CNTN6: variants seen among roughly 807,000 people sequenced by gnomAD.
CNTN6 encodes contactin-6.
Under a neutral mutation model 122.8 loss-of-function variants are expected in CNTN6, and 137 were observed. The observed-to-expected ratio is 1.12, with a 90% CI of 0.97 to 1.29. The LOEUF (loss-of-function observed/expected upper bound fraction) is 1.29. Among genes scored for constraint, CNTN6 ranks in the 50% most tolerant of loss-of-function variants. The probability of loss-of-function intolerance (pLI) is 0.00; values close to 1 mark genes in which losing one functional copy is unlikely to be tolerated. For missense variants in CNTN6, 1,634 were observed against 1,223.4 expected, an observed-to-expected ratio of 1.34 and a Z score of -5.01; for synonymous variants, 570 against 426.0, an observed-to-expected ratio of 1.34 and a Z score of -4.16.
chr3:1,138,685 A>C lies in CNTN6; in HGVS notation c.-82-9242A>C, dbSNP rs538779876. ...TATATTTTCCCAAAAACAAAATTTT[A>C]GAAAGTGCTTTGCACACATTTCTGT... On this transcript the variant is annotated intron_variant, in intron 1 of 22. Transcript: ENST00000446702. Among the ~76,000 whole-genome samples, 8 of 152,200 alleles carry C rather than the reference A, an allele frequency of 5.3e-5. No individual in the cohort carries two copies. The South Asian group carries it at 1.7e-3, about 32-fold the overall frequency.
intron 9 of CNTN6, 74 bp from the exon 10 acceptor site, chr3:1,327,383 T>C: frequency 7.0e-7 from 1 of 1,437,674 alleles, no homozygotes; most frequent in South Asian, 1.2e-5. Context: ...ACAAATGTTG[T>C]TTAATAACAT....
intron 17 of CNTN6, among the ~76,000 whole-genome samples, chr3:1,380,703 C>G (rs1330796059): frequency 6.6e-6 from 1 of 152,128 alleles, no homozygotes; most frequent in Non-Finnish European, 1.5e-5. Context: ...AGCCACATAC[C>G]ACTTACAAAC....
chr3:1,106,123 C>G (rs2091207814), intron 1 of CNTN6, among the ~76,000 whole-genome samples: 1 of 151,816 alleles, frequency 6.6e-6, no homozygotes, highest in Admixed American at 6.6e-5. Context: ...TAGGAAAATT[C>G]AGGACTGCAT....
At chr3:1,385,857 G>C in intron 20 of CNTN6, 60 bp downstream of exon 20, 1 of 1,415,622 alleles carries the variant, frequency 7.1e-7, no homozygotes, top group Non-Finnish European at 9.4e-7. Flanking sequence ...CTATTCCTTT[G>C]CTTGATGTTC....
At chr3:1,196,123 T>G (rs1295644898) in intron 2 of CNTN6, among the ~76,000 whole-genome samples, 1 of 152,226 alleles carries the variant, frequency 6.6e-6, no homozygotes, top group Non-Finnish European at 1.5e-5. Context: ...CCTTGGTGAC[T>G]GAATCAGAAA....
intron 4 of CNTN6, among the ~76,000 whole-genome samples, chr3:1,243,212 C>A (rs113341831): frequency 2.0e-5 from 3 of 151,870 alleles, no homozygotes; most frequent in East Asian, 1.9e-4. Context: ...ACGCGGCTTA[C>A]GAGGAATCCT....
chr3:1,114,222 A>G (rs900997983), intron 1 of CNTN6, among the ~76,000 whole-genome samples: 1 of 152,174 alleles, frequency 6.6e-6, no homozygotes, highest in Non-Finnish European at 1.5e-5. Flanking sequence ...AGCAGTGGCA[A>G]AGGCAGAATG....
chr3:1,123,281 A>G (rs984047764), intron 1 of CNTN6, among the ~76,000 whole-genome samples: 1 of 151,896 alleles, frequency 6.6e-6, no homozygotes, highest in Non-Finnish European at 1.5e-5. Context: ...ATCCATGAAC[A>G]TAAGATATCT....
chr3:1,114,117 C>T (rs1016946644), intron 1 of CNTN6, among the ~76,000 whole-genome samples: 3 of 152,172 alleles, frequency 2.0e-5, no homozygotes, highest in African/African-American at 7.2e-5. Context: ...AAAGAATACA[C>T]TCTTCGGTTC....
chr3:1,262,229 G>A (rs1347564472), intron 4 of CNTN6, among the ~76,000 whole-genome samples: 1 of 152,158 alleles, frequency 6.6e-6, no homozygotes. Context: ...CTCAGGGGCA[G>A]AGAAGCTTAT....
chr3:1,119,354 G>GTGTGTGTGTGTGTGTGTGTGTGTGTGT (rs1339996215), intron 1 of CNTN6, among the ~76,000 whole-genome samples: 1 of 8,816 alleles, frequency 1.1e-4, no homozygotes, highest in African/African-American at 2.9e-4. Flanking sequence ...TGTGTGTGTG[G>GTGTGTGTGTGTGTGTGTGTGTGTGTGT]AGAATGTCTC....
At chr3:1,275,469 T>A (rs1227269437) in intron 4 of CNTN6, among the ~76,000 whole-genome samples, 3 of 152,202 alleles carry the variant, frequency 2.0e-5, no homozygotes, top group African/African-American at 7.2e-5. Context: ...CTCTCTCATA[T>A]CTGTGGTTCT....
At chr3:1,308,287 T>TTTTGTG (rs144593016) in intron 7 of CNTN6, among the ~76,000 whole-genome samples, 7 of 144,914 alleles carry the variant, frequency 4.8e-5, no homozygotes, top group South Asian at 2.2e-4. Flanking sequence ...ATGGGGTGTT[T>TTTTGTG]TGTGTGTGTG....
intron 4 of CNTN6, among the ~76,000 whole-genome samples, chr3:1,255,965 C>G (rs553868563): frequency 1.3e-5 from 2 of 152,088 alleles, no homozygotes; most frequent in East Asian, 3.9e-4. Context: ...TCCACCTAAG[C>G]TCAAGAAATC....
At chr3:1,213,210 A>T (rs528022373) in intron 2 of CNTN6, among the ~76,000 whole-genome samples, 31 of 152,346 alleles carry the variant, frequency 2.0e-4, no homozygotes, top group African/African-American at 7.2e-4. Context: ...ATGAAGTTTA[A>T]ACCAGACTTT....
rs543680698 is a variant in CNTN6 at position 1,332,629 on chromosome 3, G to T, written c.1364+2694G>T. On this transcript the variant is annotated intron_variant, in intron 11 of 22. Coordinates refer to ENST00000446702, the MANE Select transcript of CNTN6 (RefSeq NM_001289080.2). ...GTCACTGCTGTTTACTATAGACGTG[G>T]TGTGATATAGTAAAAAGATTTCAGC... 2.3e-4 allele frequency among the ~76,000 whole-genome samples: 35 copies of T among 152,024 alleles called. 1 individual carries two copies. Among genetic ancestry groups the T allele is most frequent in the Admixed American group, 2.2e-3 (33 of 15,240 alleles).
intron 7 of CNTN6, among the ~76,000 whole-genome samples, chr3:1,307,886 G>A (rs537700498): frequency 6.6e-6 from 1 of 152,078 alleles, no homozygotes; most frequent in African/African-American, 2.4e-5. Flanking sequence ...AATGATTTAT[G>A]ACAGATGATG....
chr3:1,096,950 T>C (rs745814416), intron 1 of CNTN6, among the ~76,000 whole-genome samples: 1 of 152,174 alleles, frequency 6.6e-6, no homozygotes, highest in East Asian at 1.9e-4. Context: ...TGTGGGACAA[T>C]AGAGGACATT....
At chr3:1,332,567 A>G (rs1246343223) in intron 11 of CNTN6, among the ~76,000 whole-genome samples, 2 of 151,202 alleles carry the variant, frequency 1.3e-5, no homozygotes, top group Non-Finnish European at 3.0e-5. Context: ...AGGGGGAAAG[A>G]AAGAAAGAGA....
Sources: allele counts gnomAD v4.1 joint callset (sites outside exome capture counted in the v4.1 genomes callset), GRCh38; gene constraint gnomAD v4.1.1; transcripts MANE v1.5; gene names NCBI Gene and HGNC (gene_info 2026-07-23, HGNC 2026-07-21).